Variants in CENPS observed in about 807,000 individuals in gnomAD.
The protein encoded by CENPS is centromere protein S, also known as FANCM associated histone fold protein 1.
CENPS carries 16 observed loss-of-function variants against 17.9 expected under a neutral mutation model. The ratio of observed to expected loss-of-function variants is 0.90; its 90% CI spans 0.61 to 1.36. The LOEUF is 1.36. Among genes scored for constraint, CENPS ranks in the 40% most tolerant of loss-of-function variants. The pLI is 0.00. For synonymous variants in CENPS, 49 were observed against 55.8 expected (o/e 0.88, Z 0.54); for missense variants, 160 against 158.6 (o/e 1.01, Z -0.05).
chr1:10,440,784 C>T (rs1391304522), intron 4 of CENPS, among the ~76,000 whole-genome samples: 2 of 152,190 alleles, frequency 1.3e-5, no homozygotes, highest in Non-Finnish European at 2.9e-5. Context: ...ACGGAGTTTC[C>T]GTATGGCTGG....
chr1:10,442,657 G>A lies in CENPS; in HGVS notation c.*252G>A. 1 of 409,856 alleles carries A rather than the reference G, an allele frequency of 2.4e-6. No homozygotes were observed. Among genetic ancestry groups the A allele is most frequent in the Non-Finnish European group, 3.9e-6 (1 of 259,678 alleles). 25.4% of individuals were successfully genotyped at this position (409,856 alleles called of 1,614,324 possible). ...ACATAAAAATGGTGTGTGATCAAATGGTATATATTAGAAATTACATCTGTT... is the reference window on the plus strand; with the variant it reads ...ACATAAAAATGGTGTGTGATCAAATAGTATATATTAGAAATTACATCTGTT... On this transcript the variant is annotated 3_prime_UTR_variant, in exon 5 of 5. Transcript: ENST00000309048.
rs758140060 is a variant in CENPS, at chr1:10,430,587, C to CGGGCT, written c.51+28_51+32dup. On this transcript the variant is annotated intron_variant, in intron 1 of 4. Transcript: ENST00000309048. ...CCAACAGGTACAGGAAAACGGGGGT[C>CGGGCT]GGGCTGGGCTGGGGCAGGACGGCGT... 1.3e-6 allele frequency: 2 copies of CGGGCT among 1,508,586 alleles called. No homozygotes were observed. Among genetic ancestry groups the CGGGCT allele is most frequent in the Admixed American group, 2.0e-5 (1 of 49,330 alleles). 93.5% of individuals were successfully genotyped at this position (1,508,586 alleles called of 1,614,324 possible).
intron 4 of CENPS, 43 bp from the exon 5 acceptor site, chr1:10,442,222 A>C: frequency 6.5e-7 from 1 of 1,543,644 alleles, no homozygotes; most frequent in Non-Finnish European, 8.6e-7. Flanking sequence ...TAGGTTTATA[A>C]AATGGTTACA....
At chr1:10,441,514 A>G (rs922724310) in intron 4 of CENPS, among the ~76,000 whole-genome samples, 17 of 144,830 alleles carry the variant, frequency 1.2e-4, no homozygotes, top group African/African-American at 4.4e-4. Flanking sequence ...GGGTTTCACC[A>G]TATTGCCTGG....
At position 10,433,978 on chromosome 1, in the gene CENPS, G is replaced by T; in HGVS notation, c.175+13G>T. 1 of 1,613,926 alleles carries T rather than the reference G, an allele frequency of 6.2e-7. No individual in the cohort carries two copies. The highest frequency in any genetic ancestry group is 8.5e-7 in the Non-Finnish European group (1 of 1,179,938). Reference sequence around the variant, plus strand: ...TTCCGACAGTGTGGTATGAAGCTTCGGCCTCCCCAGCCATGTCTGTAAACC... The same window carrying T: ...TTCCGACAGTGTGGTATGAAGCTTCTGCCTCCCCAGCCATGTCTGTAAACC... On this transcript the variant is annotated intron_variant, in intron 2 of 4. Transcript: ENST00000309048.
chr1:10,436,566 C>T (rs1760664), intron 3 of CENPS, among the ~76,000 whole-genome samples: 72,569 of 150,096 alleles, frequency 0.48, 17,630 homozygotes, highest in South Asian at 0.58. Context: ...ATTAGCTGGG[C>T]GTGGCAGCAT....
intron 3 of CENPS, chr1:10,439,991 A>C (rs1640338074): frequency 4.2e-6 from 1 of 235,758 alleles, no homozygotes; most frequent in African/African-American, 2.3e-5. Flanking sequence ...TTTTCTCTGC[A>C]CTAGAGTTGT....
intron 3 of CENPS, 106 bp downstream of exon 3, chr1:10,434,796 T>TCTCCATCTG: frequency 2.1e-6 from 3 of 1,424,146 alleles, no homozygotes; most frequent in Non-Finnish European, 2.8e-6. Context: ...GTTTTCCGTG[T>TCTCCATCTG]GTTTTGTGGA....
At chr1:10,433,739 G>C (rs981377949) in intron 1 of CENPS, 103 bp from the exon 2 acceptor site, 15 of 1,554,178 alleles carry the variant, frequency 9.7e-6, no homozygotes, top group Non-Finnish European at 1.3e-5. Context: ...AAGCGCCAGA[G>C]GGATTGGGCT....
At chr1:10,432,615 A>ACC (rs70997232) in intron 1 of CENPS, among the ~76,000 whole-genome samples, 1 of 151,392 alleles carries the variant, frequency 6.6e-6, no homozygotes, top group South Asian at 2.1e-4. Flanking sequence ...GTGCAGTGAT[A>ACC]CCCCAGCCCA....
intron 3 of CENPS, among the ~76,000 whole-genome samples, chr1:10,436,785 T>G (rs1448734908): frequency 1.3e-5 from 2 of 148,816 alleles, no homozygotes; most frequent in African/African-American, 2.5e-5. Context: ...GAGTGCAGAG[T>G]CCAGTGATGA....
At chr1:10,434,491 C>T (rs1226813597) in intron 2 of CENPS, among the ~76,000 whole-genome samples, 166 bp from the exon 3 acceptor site, 1 of 152,150 alleles carries the variant, frequency 6.6e-6, no homozygotes, top group Non-Finnish European at 1.5e-5. Context: ...GCTACAGGCT[C>T]TTATGGAATG....
chr1:10,434,672 A>G lies in CENPS; in HGVS notation c.191A>G (p.Asp64Gly), dbSNP rs767387831. The G allele has an allele frequency of 2.3e-5, 37 of 1,607,116 alleles. No individual in the cohort carries two copies. In the South Asian group the frequency reaches 4.1e-4, roughly 18 times the overall value. Reference sequence around the variant, plus strand: ...TCTCTTTCAGAAAATTTTGCCAAAGACCTTGAAATGTTTGCAAGGTGGGTA... The same window carrying G: ...TCTCTTTCAGAAAATTTTGCCAAAGGCCTTGAAATGTTTGCAAGGTGGGTA... ...TFRQCENFAK[D>G]LEMFARHAKR... The change falls in exon 3 of 5, where the codon GAC becomes GGC. Residue 64 changes from aspartate (D) to glycine (G), a missense_variant. Coordinates refer to ENST00000309048, the MANE Select transcript of CENPS (RefSeq NM_199294.3).
chr1:10,439,555 G>T (rs1640318413), intron 3 of CENPS, among the ~76,000 whole-genome samples: 1 of 152,012 alleles, frequency 6.6e-6, no homozygotes, highest in Non-Finnish European at 1.5e-5. Flanking sequence ...GCCTGGCCAA[G>T]ATGGTGAAAT....
At chr1:10,439,696 G>A (rs535732165) in intron 3 of CENPS, among the ~76,000 whole-genome samples, 26 of 152,120 alleles carry the variant, frequency 1.7e-4, no homozygotes, top group Admixed American at 7.9e-4. Flanking sequence ...AGCCAAGATC[G>A]TGCCACTGCC....
chr1:10,437,021 A>G (rs1278235828), intron 3 of CENPS, among the ~76,000 whole-genome samples: 2 of 152,220 alleles, frequency 1.3e-5, no homozygotes, highest in Admixed American at 1.3e-4. Context: ...TACTCCCAAG[A>G]CTATCATTAC....
chr1:10,431,443 G>A, intron 1 of CENPS: 2 of 1,532,470 alleles, frequency 1.3e-6, no homozygotes, highest in Non-Finnish European at 8.7e-7. Context: ...TTCACCACTA[G>A]TTAGCATTTT....
At chr1:10,435,669 A>G (rs1003693022) in intron 3 of CENPS, among the ~76,000 whole-genome samples, 8 of 134,938 alleles carry the variant, frequency 5.9e-5, no homozygotes, top group Non-Finnish European at 1.2e-4. Flanking sequence ...TAGCTGTGGG[A>G]AAAAAAAATG....
Position 10,430,568 on chromosome 1 carries a change from G to T in CENPS, c.51G>T (p.Gln17His). ...AGCAGCAGCGATTCTCTTACCAACA[G>T]GTACAGGAAAACGGGGGTCGGGCTG... ...TEEQQRFSYQQRLKAAVHYTV... is the reference protein window; with the variant it reads ...TEEQQRFSYQHRLKAAVHYTV... The change falls in exon 1 of 5, where the codon CAG becomes CAT. Residue 17 changes from glutamine to histidine, a missense_variant and splice_region_variant. By Grantham distance (24) the Gln-to-His change is conservative. Coordinates refer to ENST00000309048, the MANE Select transcript of CENPS (RefSeq NM_199294.3). The T allele has an allele frequency of 6.5e-7, 1 of 1,533,736 alleles. No individual in the cohort carries two copies. The highest frequency in any genetic ancestry group is 1.4e-5 in the African/African-American group (1 of 70,060).
Sources: allele counts gnomAD v4.1 joint callset (sites outside exome capture counted in the v4.1 genomes callset), GRCh38; gene constraint gnomAD v4.1.1; transcripts MANE v1.5; gene names NCBI Gene and HGNC (gene_info 2026-07-23, HGNC 2026-07-21).